Variants in ATP11B observed in about 807,000 individuals in gnomAD.
ATP11B encodes phospholipid-transporting ATPase IF.
Under a neutral mutation model 157.8 loss-of-function variants are expected in ATP11B, and 81 were observed. The ratio of observed to expected loss-of-function variants is 0.51; its 90% CI spans 0.43 to 0.62. ATP11B has a LOEUF of 0.62. Among genes scored for constraint, ATP11B ranks in the 20% least tolerant of loss-of-function variants. The pLI is 0.00. For missense variants in ATP11B, 1,165 were observed against 1,402.2 expected (o/e 0.83, Z 2.70); for synonymous variants, 451 against 469.4 (o/e 0.96, Z 0.51).
At position 182,881,043 on chromosome 3, in the gene ATP11B, G is replaced by A. The variant is rs561400896; in HGVS notation, c.2509+62G>A. On this transcript the variant is annotated intron_variant, in intron 21 of 29. Transcript: ENST00000323116. ...TTAAAGTTGGTGGTATTATTTGGTG[G>A]TTTTTAATTTTCTTTTTGTAGATTA... The A allele has an allele frequency of 5.4e-6, 7 of 1,286,904 alleles. No individual in the cohort carries two copies. The East Asian group carries it at 1.5e-4, about 27-fold the overall frequency. The allele number at this position is 1,286,904 out of a possible 1,614,324, so 79.7% of individuals were successfully genotyped here. A position where few individuals can be genotyped will look rare whatever the true frequency, so the allele number is the denominator to read the frequency against.
chr3:182,802,199 C>T (rs1265134265), intron 1 of ATP11B, among the ~76,000 whole-genome samples: 1 of 152,188 alleles, frequency 6.6e-6, no homozygotes, highest in Non-Finnish European at 1.5e-5. Context: ...TCTTTCTCTG[C>T]CACCACCCTC....
chr3:182,896,758 C>G lies in ATP11B; in HGVS notation c.3041C>G (p.Thr1014Arg). The change falls in exon 26 of 30, where the codon ACA becomes AGA. Residue 1014 changes from threonine (T) to arginine (R), a missense_variant. By Grantham distance (71) the Thr-to-Arg change is moderately conservative (BLOSUM62 -1). Transcript: ENST00000323116. ...TTCACAGTCATGGTTATTACAGTCACAGTAAAGGTATGGTACTGAAATTAG... is the reference window on the plus strand; with the variant it reads ...TTCACAGTCATGGTTATTACAGTCAGAGTAAAGGTATGGTACTGAAATTAG... ...LVFTVMVITV[T>R]VKMALETHFW... 6.2e-7 allele frequency: 1 copy of G among 1,612,554 alleles called. No individual in the cohort carries two copies. The highest frequency in any genetic ancestry group is 8.5e-7 in the Non-Finnish European group (1 of 1,178,894).
intron 24 of ATP11B, 28 bp from the exon 25 acceptor site, chr3:182,889,382 A>G (rs760791926): frequency 2.1e-6 from 3 of 1,458,584 alleles, no homozygotes; most frequent in Non-Finnish European, 2.8e-6. Flanking sequence ...GATCCCTAAT[A>G]TGTTTCTTTT....
At position 182,821,960 on chromosome 3, in the gene ATP11B, G is replaced by T. The variant is rs140934391; in HGVS notation, c.144+1584G>T. The stretch of plus-strand genomic sequence containing the variant: ...TCTTAGGTCAGCAGTTCTTTGCCCT[G>T]CCCCATGTTGCTGCCTTCACATTCT... On this transcript the variant is annotated intron_variant, in intron 2 of 29. Coordinates refer to ENST00000323116, the MANE Select transcript of ATP11B (RefSeq NM_014616.3). Among the ~76,000 whole-genome samples the T allele has an allele frequency of 2.4e-3, 361 of 152,186 alleles. 4 individuals are homozygous for T. Among genetic ancestry groups the T allele is most frequent in the African/African-American group, 8.4e-3 (350 of 41,510 alleles).
intron 4 of ATP11B, among the ~76,000 whole-genome samples, chr3:182,834,796 G>A (rs1718418965): frequency 6.6e-6 from 1 of 152,138 alleles, no homozygotes; most frequent in Non-Finnish European, 1.5e-5. Context: ...ACAATGCAGG[G>A]ATTAGGGGAA....
At chr3:182,800,974 G>A (rs554407187) in intron 1 of ATP11B, among the ~76,000 whole-genome samples, 14 of 141,966 alleles carry the variant, frequency 9.9e-5, no homozygotes, top group African/African-American at 3.4e-4. Flanking sequence ...GGATTTTTTC[G>A]TATTGTTAGT....
chr3:182,899,867 T>G (rs1723830728), intron 28 of ATP11B, among the ~76,000 whole-genome samples: 1 of 139,460 alleles, frequency 7.2e-6, no homozygotes, highest in African/African-American at 3.0e-5. Flanking sequence ...ATCTCTCAGT[T>G]TGTCCTTTTA....
chr3:182,806,749 ATAT>A lies in ATP11B; in HGVS notation c.27+12968_27+12970del, dbSNP rs556100866. ...TTTGTTTCATAATTTTTCATTAAAA[ATAT>A]TATTCCATTATTCCTTTGGAGATCT... On this transcript the variant is annotated intron_variant, in intron 1 of 29. Transcript: ENST00000323116. 2.6e-4 allele frequency among the ~76,000 whole-genome samples: 40 copies of A among 152,306 alleles called. No homozygotes were observed. The East Asian group carries it at 7.3e-3, about 28-fold the overall frequency.
At chr3:182,887,846 A>G (rs1722903345) in intron 24 of ATP11B, 133 bp downstream of exon 24, 1 of 955,700 alleles carries the variant, frequency 1.0e-6, no homozygotes, top group South Asian at 1.7e-5. Context: ...CAGTTGTTGA[A>G]TATCAGAGAA....
intron 11 of ATP11B, among the ~76,000 whole-genome samples, chr3:182,858,462 A>G (rs1018601677): frequency 2.6e-5 from 4 of 152,336 alleles, no homozygotes; most frequent in Admixed American, 6.5e-5. Flanking sequence ...TATATTTTAA[A>G]TTGATTAAAC....
At chr3:182,884,999 A>G (rs1302886704) in intron 22 of ATP11B, 101 bp downstream of exon 22, 12 of 686,922 alleles carry the variant, frequency 1.7e-5, no homozygotes, top group Middle Eastern at 4.3e-4. Context: ...AATAGTTTCA[A>G]TAAGTAAAAA....
At chr3:182,893,965 G>T (rs1057399087) in intron 25 of ATP11B, among the ~76,000 whole-genome samples, 1 of 152,108 alleles carries the variant, frequency 6.6e-6, no homozygotes, top group Non-Finnish European at 1.5e-5. Flanking sequence ...ATGTTCATTG[G>T]TCATTTGTAT....
chr3:182,859,094 T>G, intron 11 of ATP11B, 68 bp from the exon 12 acceptor site: 4 of 1,181,104 alleles, frequency 3.4e-6, no homozygotes, highest in Non-Finnish European at 4.8e-6. Flanking sequence ...TCTGGTAATT[T>G]TCATCAGTAA....
intron 4 of ATP11B, chr3:182,830,142 G>A (rs1560069800): frequency 5.1e-6 from 1 of 197,532 alleles, no homozygotes; most frequent in Non-Finnish European, 9.1e-6. Context: ...CTTCTGGTGT[G>A]AACATTTGTG....
intron 4 of ATP11B, among the ~76,000 whole-genome samples, chr3:182,831,382 C>T (rs1482468124): frequency 2.6e-5 from 4 of 152,112 alleles, no homozygotes; most frequent in East Asian, 3.9e-4. Context: ...CTCTCATTTC[C>T]GCTCTTACTC....
chr3:182,913,434 A>G (rs1163463308), intron 28 of ATP11B, among the ~76,000 whole-genome samples: 14 of 152,166 alleles, frequency 9.2e-5, no homozygotes, highest in Non-Finnish European at 2.9e-5. Context: ...ACTTATCTCA[A>G]TTGTTGGACA....
At chr3:182,913,709 A>G in intron 28 of ATP11B, 152 bp from the exon 29 acceptor site, 2 of 1,312,516 alleles carry the variant, frequency 1.5e-6, no homozygotes, top group Non-Finnish European at 2.1e-6. Flanking sequence ...ACTCTAGTAA[A>G]TTAAAGCCTT....
At chr3:182,905,935 A>G in intron 28 of ATP11B, 1 of 454,352 alleles carries the variant, frequency 2.2e-6, no homozygotes, top group East Asian at 7.0e-5. Context: ...ACTGCGCTGG[A>G]CCTTCCCGGG....
At position 182,820,268 on chromosome 3, in the gene ATP11B, C is replaced by G; in HGVS notation, c.36C>G (p.Asp12Glu). The change falls in exon 2 of 30, where the codon GAC (aspartate) becomes GAG (glutamate). Residue 12 changes from aspartate to glutamate, a missense_variant. Transcript: ENST00000323116. ...WRWIRQQLGFDPPHQSDTRTI... is the reference protein window; with the variant it reads ...WRWIRQQLGFEPPHQSDTRTI... ...TGCTTGATTGGTCTTAGGGTTTTGA[C>G]CCACCACATCAGAGTGACACAAGAA... 1 of 1,612,726 alleles carries G rather than the reference C, an allele frequency of 6.2e-7. No homozygotes were observed. The highest frequency in any genetic ancestry group is 1.1e-5 in the South Asian group (1 of 91,062).
Sources: gnomAD v4.1 joint callset for allele counts (sites outside exome capture counted in the v4.1 genomes callset) on GRCh38, gnomAD v4.1.1 for gene constraint, MANE v1.5 for transcripts, NCBI Gene and HGNC (gene_info 2026-07-23, HGNC 2026-07-21) for gene names.